BAZ1B: variants seen among roughly 807,000 people sequenced by gnomAD.
BAZ1B encodes bromodomain adjacent to zinc finger domain 1B.
Under a neutral mutation model 153.8 loss-of-function variants are expected in BAZ1B, and 22 were observed. The observed-to-expected ratio is 0.14, with a 90% confidence interval of 0.10 to 0.20. The LOEUF (loss-of-function observed/expected upper bound fraction) is 0.20. BAZ1B is among the 10% of genes least tolerant of loss of function. The pLI is 1.00. For synonymous variants in BAZ1B, 676 were observed against 633.4 expected, an observed-to-expected ratio of 1.07 and a Z score of -1.01; for missense variants, 1,325 against 1,799.3, an observed-to-expected ratio of 0.74 and a Z score of 4.77.
rs1168749967 is a variant in BAZ1B at position 73,512,028 on chromosome 7, CAAAAAAAAAAAAAAA to C, written c.108-1191_108-1177del. Among the ~76,000 whole-genome samples the C allele has an allele frequency of 5.5e-4, 19 of 34,752 alleles. No homozygotes were observed. In the East Asian group the frequency reaches 7.1e-3, roughly 13 times the overall value. The allele number at this position is 34,752 out of a possible 152,430, so 22.8% of individuals were successfully genotyped here. A position where few individuals can be genotyped will look rare whatever the true frequency, so the allele number is the denominator to read the frequency against. On this transcript the variant is annotated intron_variant, in intron 1 of 19. Transcript: ENST00000339594. ...GGGTGATAAGAGCGAAACTCCACCT[CAAAAAAAAAAAAAAA>C]AAAAAAAAAAAAAAGGAATCAGTCT...
Position 73,510,782 on chromosome 7 carries a change from G to A in BAZ1B, c.178C>T (p.Leu60=). 1 of 1,614,140 alleles carries A rather than the reference G, an allele frequency of 6.2e-7. No homozygotes were observed. Among genetic ancestry groups the A allele is most frequent in the Non-Finnish European group, 8.5e-7 (1 of 1,180,034 alleles). Residue 60 remains leucine, a synonymous_variant, in exon 2 of 20, where the codon CTA becomes TTA. Transcript: ENST00000339594. ...TCCTCCCAGGCTTCCTTGTGTGTTA[G>A]CTGACTGCTTCCAGTACTCTTGCAC... ...WTCKSTGSSQ[L]THKEAWEEEQ...
chr7:73,477,015 C>T lies in BAZ1B; in HGVS notation c.2446G>A (p.Gly816Ser), dbSNP rs1331206108. 1 of 1,614,058 alleles carries T rather than the reference C, an allele frequency of 6.2e-7. No homozygotes were observed. The highest frequency in any genetic ancestry group is 1.7e-5 in the Admixed American group (1 of 59,994). The change falls in exon 7 of 20, where the codon GGC (glycine) becomes AGC (serine). Residue 816 changes from glycine (G) to serine (S), a missense_variant. Physicochemically the swap from Gly to Ser is moderately conservative, Grantham distance 56. Transcript: ENST00000339594. The surrounding 1 kb of genome is among the most constrained non-coding windows in gnomAD (Gnocchi z 5.6). ...KENGKVENGL[G>S]KTDRKKEIVK... is the part of the protein sequence containing the mutation. ...ATTTCTTTTTTCCTATCAGTTTTGC[C>T]TAACCCATTCTCAACTTTTCCATTT...
intron 13 of BAZ1B, among the ~76,000 whole-genome samples, chr7:73,455,897 T>C (rs1415282589): frequency 2.0e-5 from 3 of 152,202 alleles, no homozygotes; most frequent in Non-Finnish European, 2.9e-5. Flanking sequence ...CTGAAGACTG[T>C]TGTGCACAGT....
intron 6 of BAZ1B, among the ~76,000 whole-genome samples, chr7:73,483,784 G>A (rs1490380857): frequency 8.6e-5 from 13 of 151,870 alleles, no homozygotes; most frequent in African/African-American, 2.9e-4. Flanking sequence ...TTGGACTAGA[G>A]GCACACGCCA....
chr7:73,513,145 G>T (rs1790654710), intron 1 of BAZ1B, among the ~76,000 whole-genome samples: 1 of 152,078 alleles, frequency 6.6e-6, no homozygotes, highest in Non-Finnish European at 1.5e-5. Flanking sequence ...CAGAGTCAGG[G>T]TCTCACCACA....
chr7:73,487,080 G>C (rs1789441110), intron 6 of BAZ1B, among the ~76,000 whole-genome samples: 1 of 152,172 alleles, frequency 6.6e-6, no homozygotes, highest in Non-Finnish European at 1.5e-5. Context: ...TAAGTTTTCT[G>C]AGTAAAATCA....
chr7:73,510,643 A>G (rs1790542051), intron 2 of BAZ1B, 93 bp downstream of exon 2: 4 of 1,236,862 alleles, frequency 3.2e-6, no homozygotes, highest in Non-Finnish European at 2.3e-6. Flanking sequence ...TGTGCCCCAT[A>G]AACTTAAATA....
chr7:73,488,187 G>A (rs1211233898), intron 6 of BAZ1B, among the ~76,000 whole-genome samples: 1 of 152,120 alleles, frequency 6.6e-6, no homozygotes, highest in African/African-American at 2.4e-5. Context: ...CCAGTATGCT[G>A]CGTTACATTT....
At chr7:73,515,569 G>C in intron 1 of BAZ1B, among the ~76,000 whole-genome samples, 1 of 119,178 alleles carries the variant, frequency 8.4e-6, no homozygotes, top group Non-Finnish European at 1.6e-5. Flanking sequence ...GCAGGGTCTT[G>C]CTCTGTCACC....
At chr7:73,498,333 T>C (rs1039156172) in intron 4 of BAZ1B, among the ~76,000 whole-genome samples, 164 bp downstream of exon 4, 3 of 152,214 alleles carry the variant, frequency 2.0e-5, no homozygotes, top group Non-Finnish European at 4.4e-5. Context: ...TATTCAAGTG[T>C]TTCATGTTGT....
rs1341267875 is a variant in BAZ1B at position 73,466,351 on chromosome 7, T to A, written c.2917A>T (p.Thr973Ser). ...KNASMNTQHG[T>S]ATEVAVETTT... ...GTCTCTACAGCAACTTCTGTTGCTG[T>A]TCCATGTTGTGTGTTCATGCTTGCA... is the stretch of plus-strand genomic sequence containing the variant. The change falls in exon 10 of 20, where the codon ACA becomes TCA. Residue 973 changes from threonine to serine, a missense_variant. Coordinates refer to ENST00000339594, the MANE Select transcript of BAZ1B (RefSeq NM_032408.4). The A allele has an allele frequency of 1.9e-6, 3 of 1,613,944 alleles. No individual in the cohort carries two copies. In the African/African-American group the frequency reaches 4.0e-5, roughly 22 times the overall value.
intron 1 of BAZ1B, 36 bp from the exon 2 acceptor site, chr7:73,510,888 A>G: frequency 6.4e-7 from 1 of 1,562,372 alleles, no homozygotes; most frequent in Non-Finnish European, 8.8e-7. Context: ...ATATGCAAGC[A>G]ACAGAGACGA....
chr7:73,471,351 T>C (rs1208839763), intron 7 of BAZ1B, among the ~76,000 whole-genome samples: 1 of 152,198 alleles, frequency 6.6e-6, no homozygotes, highest in African/African-American at 2.4e-5. Flanking sequence ...CTGTTAATGA[T>C]AAAAATTTTA....
intron 6 of BAZ1B, among the ~76,000 whole-genome samples, chr7:73,482,940 G>A (rs531609978): frequency 5.9e-5 from 9 of 152,210 alleles, no homozygotes; most frequent in South Asian, 2.1e-4. Flanking sequence ...AATGGGAGCC[G>A]GCATGGCTGG....
chr7:73,465,576 A>G, intron 10 of BAZ1B, 39 bp from the exon 11 acceptor site: 1 of 1,407,614 alleles, frequency 7.1e-7, no homozygotes, highest in East Asian at 2.3e-5. Context: ...CTGAAAAAAA[A>G]AAAAAAATTC....
chr7:73,514,450 T>C (rs1790709783), intron 1 of BAZ1B, among the ~76,000 whole-genome samples: 1 of 151,690 alleles, frequency 6.6e-6, no homozygotes, highest in African/African-American at 2.4e-5. Context: ...GGAGAACTGC[T>C]TGAACCTTGG....
chr7:73,478,013 T>A lies in BAZ1B; in HGVS notation c.1448A>T (p.Lys483Ile). 1 of 1,614,034 alleles carries A rather than the reference T, an allele frequency of 6.2e-7. No homozygotes were observed. Among genetic ancestry groups the A allele is most frequent in the African/African-American group, 1.3e-5 (1 of 75,026 alleles). ...CTTGTCCTCCCTGTCTTTGTTTTCTTTGTAGTATGCAATGAGGTGTAGGGC... is the reference window on the plus strand; with the variant it reads ...CTTGTCCTCCCTGTCTTTGTTTTCTATGTAGTATGCAATGAGGTGTAGGGC... ...PAALHLIAYY[K>I]ENKDREDKRS... The change falls in exon 7 of 20, where the codon AAA becomes ATA. Residue 483 changes from lysine to isoleucine, a missense_variant. Lys to Ile is a moderately radical substitution (Grantham distance 102, BLOSUM62 -3). Around this residue, in one of 9 missense-constraint regions of BAZ1B, gnomAD observed 154 missense variants for 266.3 expected, o/e 0.58. Coordinates refer to ENST00000339594, the MANE Select transcript of BAZ1B (RefSeq NM_032408.4).
At chr7:73,452,115 AT>A (rs1788043144) in intron 13 of BAZ1B, among the ~76,000 whole-genome samples, 1 of 152,216 alleles carries the variant, frequency 6.6e-6, no homozygotes, top group African/African-American at 2.4e-5. Context: ...CTTTTTTTAA[AT>A]TTGAAGGTGT....
At chr7:73,462,275 G>C (rs986302648) in intron 12 of BAZ1B, among the ~76,000 whole-genome samples, 1 of 152,082 alleles carries the variant, frequency 6.6e-6, no homozygotes, top group African/African-American at 2.4e-5. Context: ...TAGTGCATGA[G>C]GAATTTGAAA....
Sources: gnomAD v4.1 joint callset for allele counts (sites outside exome capture counted in the v4.1 genomes callset) on GRCh38, gnomAD v4.1.1 for gene constraint, gnomAD v4.1.1 regional missense constraint, Gnocchi (gnomAD v3.1) non-coding constraint, MANE v1.5 for transcripts, NCBI Gene and HGNC (gene_info 2026-07-23, HGNC 2026-07-21) for gene names.